Variants in DOCK1 observed in about 807,000 individuals in gnomAD.
DOCK1 encodes the protein dedicator of cytokinesis protein 1.
DOCK1 carries 138 observed loss-of-function variants against 262.7 expected under a neutral mutation model. The ratio of observed to expected loss-of-function variants is 0.53; its 90% CI spans 0.46 to 0.61. The LOEUF is 0.61. Ranked by LOEUF, DOCK1 falls within the 20% of genes least tolerant of loss-of-function variation. The pLI is 0.00. For synonymous variants in DOCK1, 866 were observed against 867.4 expected (o/e 1.00, Z 0.03); for missense variants, 1,908 against 2,370.7 (o/e 0.80, Z 4.05).
chr10:127,125,635 T>C, intron 26 of DOCK1, 34 bp downstream of exon 26: 1 of 1,599,156 alleles, frequency 6.3e-7, no homozygotes, highest in Non-Finnish European at 8.5e-7. Flanking sequence ...CGTCCTGCCA[T>C]TTGCCTGAAC....
rs555274366 is a variant in DOCK1 at position 127,415,695 on chromosome 10, C to T, written c.4515+457C>T. Among the ~76,000 whole-genome samples, 3 of 152,256 alleles carry T rather than the reference C, an allele frequency of 2.0e-5. No individual in the cohort carries two copies. The East Asian group carries it at 5.8e-4, about 29-fold the overall frequency. On this transcript the variant is annotated intron_variant, in intron 44 of 51. Transcript: ENST00000623213. ...CAAGTAAAAATAGCCTGAGAACATA[C>T]CCCTCCCTGACCCTTTTTAAAGAAA...
chr10:127,391,040 C>T (rs2066448112), intron 38 of DOCK1, among the ~76,000 whole-genome samples: 1 of 152,146 alleles, frequency 6.6e-6, no homozygotes, highest in Non-Finnish European at 1.5e-5. Context: ...CCTGTGGGGC[C>T]TCACAGGCAG....
intron 1 of DOCK1, among the ~76,000 whole-genome samples, chr10:126,952,408 G>A (rs1291738249): frequency 6.6e-6 from 1 of 151,792 alleles, no homozygotes; most frequent in Admixed American, 6.6e-5. Flanking sequence ...CGGTAGTATT[G>A]TTGGTAGTGT....
At chr10:127,005,148 G>A (rs2040916432) in intron 10 of DOCK1, among the ~76,000 whole-genome samples, 1 of 151,952 alleles carries the variant, frequency 6.6e-6, no homozygotes, top group Non-Finnish European at 1.5e-5. Context: ...ACCAGCCTGG[G>A]CAATATGGTG....
intron 29 of DOCK1, among the ~76,000 whole-genome samples, chr10:127,288,794 CACACACACACACAT>C (rs1009159494): frequency 1.3e-5 from 2 of 150,418 alleles, no homozygotes; most frequent in African/African-American, 2.4e-5. Context: ...CACACACACA[CACACACACACACAT>C]AAAATAGTTT....
intron 23 of DOCK1, among the ~76,000 whole-genome samples, chr10:127,099,215 T>C (rs563380624): frequency 2.2e-4 from 34 of 152,222 alleles, no homozygotes; most frequent in African/African-American, 7.9e-4. Flanking sequence ...TATATGAAGT[T>C]TGCAGTCAGT....
intron 27 of DOCK1, among the ~76,000 whole-genome samples, chr10:127,207,725 G>A (rs1564903988): frequency 6.6e-6 from 1 of 152,212 alleles, no homozygotes; most frequent in East Asian, 1.9e-4. Context: ...CAAAGGTCAT[G>A]AAAACCCAGC....
At chr10:127,373,585 G>A (rs1201616921) in intron 33 of DOCK1, among the ~76,000 whole-genome samples, 196 bp from the exon 34 acceptor site, 2 of 152,082 alleles carry the variant, frequency 1.3e-5, no homozygotes, top group East Asian at 3.9e-4. Context: ...AAAAGGAAAT[G>A]AGAGGTCCCC....
At chr10:127,152,023 A>T (rs7916921) in intron 27 of DOCK1, among the ~76,000 whole-genome samples, 606 of 56,534 alleles carry the variant, frequency 0.011, 3 homozygotes, top group African/African-American at 0.046. Flanking sequence ...ATATATATAT[A>T]TTTTTTTTCG....
rs1040640418 is a variant in DOCK1, at chr10:126,949,888, G to C, written c.47-20814G>C. ...AGAGGCAAAGCTCTGTCTGGCTCTC[G>C]ATGGGAGGGCTGTGCTTTTTTAGAG... is the stretch of plus-strand genomic sequence containing the variant. On this transcript the variant is annotated intron_variant, in intron 1 of 51. Coordinates refer to ENST00000623213, the MANE Select transcript of DOCK1 (RefSeq NM_001290223.2). 3.3e-5 allele frequency among the ~76,000 whole-genome samples: 5 copies of C among 152,140 alleles called. No individual in the cohort carries two copies. The East Asian group carries it at 9.7e-4, about 29-fold the overall frequency.
intron 27 of DOCK1, among the ~76,000 whole-genome samples, chr10:127,223,487 A>C (rs896876996): frequency 1.6e-4 from 25 of 152,284 alleles, no homozygotes; most frequent in Non-Finnish European, 3.4e-4. Context: ...CCAAAACCCC[A>C]AAATTTTTGT....
chr10:127,448,783 T>C (rs185556587), intron 51 of DOCK1, among the ~76,000 whole-genome samples: 100 of 149,208 alleles, frequency 6.7e-4, no homozygotes, highest in African/African-American at 2.4e-3. Flanking sequence ...CTCTGTTTTT[T>C]TCATAATGGT....
intron 27 of DOCK1, among the ~76,000 whole-genome samples, chr10:127,215,129 C>T (rs1409966613): frequency 6.6e-6 from 1 of 152,118 alleles, no homozygotes; most frequent in Non-Finnish European, 1.5e-5. Context: ...TCCTGCCTCG[C>T]TATCAGCCTT....
chr10:127,351,908 C>G (rs1169166548), intron 31 of DOCK1, among the ~76,000 whole-genome samples: 1 of 152,154 alleles, frequency 6.6e-6, no homozygotes, highest in Non-Finnish European at 1.5e-5. Flanking sequence ...CAGCTCCCCA[C>G]TCTTCCTCAC....
intron 11 of DOCK1, 149 bp downstream of exon 11, chr10:127,008,953 C>T (rs768633815): frequency 3.7e-6 from 3 of 802,068 alleles, no homozygotes; most frequent in Non-Finnish European, 5.7e-6. Context: ...TGCTGTAGTA[C>T]ATGGAATTTT....
chr10:126,945,358 T>C (rs1482386418), intron 1 of DOCK1, among the ~76,000 whole-genome samples: 1 of 151,250 alleles, frequency 6.6e-6, no homozygotes, highest in African/African-American at 2.4e-5. Context: ...GGCCTCTCCA[T>C]AGGGGCAGCT....
chr10:127,429,384 A>G (rs1380487447), intron 47 of DOCK1, among the ~76,000 whole-genome samples: 1 of 152,058 alleles, frequency 6.6e-6, no homozygotes, highest in Non-Finnish European at 1.5e-5. Flanking sequence ...TCCCTGAGAA[A>G]TGTGGCAATA....
chr10:127,050,727 T>C (rs544853174), intron 21 of DOCK1, among the ~76,000 whole-genome samples: 1 of 151,988 alleles, frequency 6.6e-6, no homozygotes, highest in South Asian at 2.1e-4. Flanking sequence ...AAAAGTTTTA[T>C]GCCCATTTAT....
intron 1 of DOCK1, among the ~76,000 whole-genome samples, chr10:126,963,636 T>TTCCC (rs1342481387): frequency 1.3e-5 from 1 of 77,654 alleles, no homozygotes. Flanking sequence ...TTCCCTTCCC[T>TTCCC]TCCCTCCTTC....
Sources: allele counts gnomAD v4.1 joint callset (sites outside exome capture counted in the v4.1 genomes callset), GRCh38; gene constraint gnomAD v4.1.1; transcripts MANE v1.5; gene names NCBI Gene and HGNC (gene_info 2026-07-23, HGNC 2026-07-21).